Variants in KMT2E observed in about 807,000 individuals in gnomAD.
KMT2E encodes the protein lysine methyltransferase 2E (inactive).
In KMT2E, 30 loss-of-function variants were observed where a neutral mutation model predicts 184.6. That is an observed-to-expected ratio of 0.16 (90% CI 0.12 to 0.22). The LOEUF (loss-of-function observed/expected upper bound fraction) is 0.22. KMT2E is among the 10% of genes least tolerant of loss of function. The pLI is 1.00. For missense variants in KMT2E, 2,023 were observed against 2,237.4 expected (o/e 0.90, Z 1.93); for synonymous variants, 815 against 776.5 (o/e 1.05, Z -0.82).
intron 1 of KMT2E, among the ~76,000 whole-genome samples, chr7:105,022,487 G>C (rs572371012): frequency 6.6e-6 from 1 of 152,064 alleles, no homozygotes; most frequent in African/African-American, 2.4e-5. Context: ...TATGATGTTT[G>C]TTTGCCCTTT....
intron 3 of KMT2E, among the ~76,000 whole-genome samples, chr7:105,045,631 T>G (rs1291734929): frequency 6.6e-6 from 1 of 152,376 alleles, no homozygotes. Context: ...ATTCCATTCC[T>G]TTTTATGGCT....
chr7:105,037,551 T>C (rs983527808), intron 1 of KMT2E, among the ~76,000 whole-genome samples: 1 of 151,974 alleles, frequency 6.6e-6, no homozygotes. Flanking sequence ...TTTGTAGGGA[T>C]AATGTCTCAC....
chr7:105,031,974 G>A (rs981781214), intron 1 of KMT2E, among the ~76,000 whole-genome samples: 2 of 149,314 alleles, frequency 1.3e-5, no homozygotes, highest in African/African-American at 2.5e-5. Flanking sequence ...AGGCTGAGGC[G>A]GGATAGTCTC....
chr7:105,110,160 C>G (rs1390261571), intron 23 of KMT2E, 120 bp from the exon 24 acceptor site: 4 of 803,902 alleles, frequency 5.0e-6, no homozygotes, highest in Middle Eastern at 5.0e-4. Context: ...AAGGTTAACA[C>G]CAAAGTATTT....
At chr7:105,015,585 G>A (rs1224074845) in intron 1 of KMT2E, among the ~76,000 whole-genome samples, 3 of 152,114 alleles carry the variant, frequency 2.0e-5, no homozygotes, top group African/African-American at 7.2e-5. Context: ...ATACCTATTT[G>A]GAAAATAGTC....
intron 1 of KMT2E, among the ~76,000 whole-genome samples, chr7:105,015,907 C>T (rs1056337663): frequency 1.3e-5 from 2 of 150,976 alleles, no homozygotes; most frequent in African/African-American, 4.9e-5. Context: ...TAAAATGTCT[C>T]CACTTTTGAA....
chr7:105,050,737 C>T (rs1445711706), intron 3 of KMT2E, among the ~76,000 whole-genome samples: 1 of 145,206 alleles, frequency 6.9e-6, no homozygotes, highest in East Asian at 2.0e-4. Context: ...GTCTTTCTGT[C>T]TTTCTTTCTT....
Position 105,112,914 on chromosome 7 carries a change from C to T in KMT2E, c.5158C>T (p.Pro1720Ser). The T allele has an allele frequency of 6.2e-7, 1 of 1,613,700 alleles. No individual in the cohort carries two copies. The highest frequency in any genetic ancestry group is 8.5e-7 in the Non-Finnish European group (1 of 1,179,968). ...AAATTCAGCACCCCCACCACCCCCT[C>T]CGCCGCCACCTTCCAGTGTTTTGGC... ...VVNSAPPPPPPPPPSSVLASG... is the reference protein window; with the variant it reads ...VVNSAPPPPPSPPPSSVLASG... Residue 1720 changes from proline (P) to serine (S), a missense_variant, in exon 27 of 27, where the codon CCG becomes TCG. Transcript: ENST00000311117.
chr7:105,073,816 T>C lies in KMT2E; in HGVS notation c.556+139T>C, dbSNP rs188314935. The C allele has an allele frequency of 5.2e-5, 29 of 558,790 alleles. No homozygotes were observed. The Admixed American group carries it at 9.5e-4, about 18-fold the overall frequency. The allele number at this position is 558,790 out of a possible 1,614,324, so 34.6% of individuals were successfully genotyped here. A position where few individuals can be genotyped will look rare whatever the true frequency, so the allele number is the denominator to read the frequency against. On this transcript the variant is annotated intron_variant, in intron 7 of 26. Coordinates refer to ENST00000311117, the MANE Select transcript of KMT2E (RefSeq NM_182931.3). ...ATGAATGTTGATTGTACAGAGAGTA[T>C]GCAATCTCTGGTATAGATTTCAAGT...
Position 105,112,665 on chromosome 7 carries a change from G to A in KMT2E, c.4909G>A (p.Gly1637Arg), listed in dbSNP as rs1799364792. The part of the protein sequence containing the change: ...PPPPPPPPAP[G>R]PHLVQQPNSH... ...TCCTCCTCCACCACCACCTGCTCCA[G>A]GACCGCACCTTGTACAACAGCCGAA... The change falls in exon 27 of 27, where the codon GGA (glycine) becomes AGA (arginine). Residue 1637 changes from glycine (G) to arginine (R), a missense_variant. Physicochemically the swap from Gly to Arg is moderately radical, Grantham distance 125. Around this residue, in one of 8 missense-constraint regions of KMT2E, gnomAD observed 1,108 missense variants for 1,050.9 expected, o/e 1.05. Coordinates refer to ENST00000311117, the MANE Select transcript of KMT2E (RefSeq NM_182931.3). 1 of 1,613,680 alleles carries A rather than the reference G, an allele frequency of 6.2e-7. No individual in the cohort carries two copies. Among genetic ancestry groups the A allele is most frequent in the Non-Finnish European group, 8.5e-7 (1 of 1,179,932 alleles).
intron 15 of KMT2E, among the ~76,000 whole-genome samples, chr7:105,100,662 CAGAAGGTAGAGGAATACTTTATAAGAA>C (rs1798615538): frequency 6.6e-6 from 1 of 152,088 alleles, no homozygotes; most frequent in Admixed American, 6.6e-5. Context: ...ACAGGAAGAG[CAGAAGGTAGAGGAATACTTTATAAGAA>C]TTACAATGGA....
Position 105,076,984 on chromosome 7 carries a change from C to A in KMT2E, c.790C>A (p.Pro264Thr). Reference sequence around the variant, plus strand: ...TTAGGGTTCAGCTCCAGAGATTGATCCTTCATCTGATGGTTCAAATTTTGG... The same window carrying A: ...TTAGGGTTCAGCTCCAGAGATTGATACTTCATCTGATGGTTCAAATTTTGG... ...RVKGSAPEID[P>T]SSDGSNFGWE... Residue 264 changes from proline to threonine, a missense_variant, in exon 10 of 27, where the codon CCT (proline) becomes ACT (threonine). Pro to Thr is a conservative substitution (Grantham distance 38). This residue lies in a region of KMT2E where 191 missense variants were observed against 209.0 expected (regional missense o/e 0.91). Transcript: ENST00000311117. The A allele has an allele frequency of 6.3e-7, 1 of 1,597,950 alleles. No individual in the cohort carries two copies.
chr7:105,036,771 G>A (rs550051091), intron 1 of KMT2E, among the ~76,000 whole-genome samples: 34 of 152,226 alleles, frequency 2.2e-4, no homozygotes, highest in African/African-American at 7.5e-4. Context: ...TTGTAGAAAT[G>A]CATATTCATT....
At chr7:105,072,833 G>A (rs1164113145) in intron 6 of KMT2E, among the ~76,000 whole-genome samples, 2 of 151,858 alleles carry the variant, frequency 1.3e-5, no homozygotes, top group Non-Finnish European at 2.9e-5. Flanking sequence ...GGAATCGCTT[G>A]AACCCAGGAG....
Position 105,063,585 on chromosome 7 carries a change from A to C in KMT2E, c.416+5A>C. The C allele has an allele frequency of 2.0e-6, 3 of 1,524,608 alleles. No individual in the cohort carries two copies. The highest frequency in any genetic ancestry group is 2.7e-6 in the Non-Finnish European group (3 of 1,117,670). 94.4% of individuals were successfully genotyped at this position (1,524,608 alleles called of 1,614,324 possible). ...GATCTGTTGTGACAAATGCAGGTAA[A>C]ATATTTTACACCATTATTTTATTTT... On this transcript the variant is annotated splice_donor_5th_base_variant and intron_variant, in intron 5 of 26. Coordinates refer to ENST00000311117, the MANE Select transcript of KMT2E (RefSeq NM_182931.3).
rs1562939552 is a variant in KMT2E, at chr7:105,113,265, A to T, written c.5509A>T (p.Ile1837Phe). The T allele has an allele frequency of 5.0e-6, 8 of 1,614,208 alleles. No individual in the cohort carries two copies. In the Admixed American group the frequency reaches 1.3e-4, roughly 27 times the overall value. Residue 1837 changes from isoleucine (I) to phenylalanine (F), a missense_variant, in exon 27 of 27, where the codon ATT (isoleucine) becomes TTT (phenylalanine). By Grantham distance (21) the Ile-to-Phe change is conservative. Transcript: ENST00000311117. ...PQQASPVPGQ[I>F]PIHRAQVPPT... is the part of the protein sequence containing the mutation. ...GCAGGCATCTCCAGTGCCTGGACAG[A>T]TTCCAATTCACAGAGCACAGGTGCC...
intron 12 of KMT2E, among the ~76,000 whole-genome samples, chr7:105,080,663 G>A (rs1331917855): frequency 6.6e-6 from 1 of 152,220 alleles, no homozygotes; most frequent in African/African-American, 2.4e-5. Context: ...AAAGTATATA[G>A]AATAGTGTCT....
chr7:105,069,406 A>G (rs1013402214), intron 6 of KMT2E, among the ~76,000 whole-genome samples: 17 of 152,228 alleles, frequency 1.1e-4, no homozygotes, highest in Non-Finnish European at 2.5e-4. Flanking sequence ...CAAGAATATA[A>G]TAGTCTTGGA....
chr7:105,064,105 C>A, intron 5 of KMT2E: 1 of 403,584 alleles, frequency 2.5e-6, no homozygotes, highest in Non-Finnish European at 4.9e-6. Context: ...AAGGCCTCCT[C>A]CCCTAGAGAA....
Sources: gnomAD v4.1 joint callset for allele counts (sites outside exome capture counted in the v4.1 genomes callset) on GRCh38, gnomAD v4.1.1 for gene constraint, gnomAD v4.1.1 regional missense constraint, MANE v1.5 for transcripts, NCBI Gene and HGNC (gene_info 2026-07-23, HGNC 2026-07-21) for gene names.